DYNC1H1: variants seen among roughly 807,000 people sequenced by gnomAD.
DYNC1H1 encodes the protein dynein cytoplasmic 1 heavy chain 1.
Under a neutral mutation model 527.1 loss-of-function variants are expected in DYNC1H1, and 51 were observed. That is an observed-to-expected ratio of 0.10 (90% CI 0.08 to 0.12). The LOEUF is 0.12. Ranked by LOEUF, DYNC1H1 falls within the 10% of genes least tolerant of loss-of-function variation. DYNC1H1 has a pLI of 1.00. For missense variants in DYNC1H1, 2,771 were observed against 5,971.8 expected (o/e 0.46, Z 17.66); for synonymous variants, 2,189 against 2,278.8 (o/e 0.96, Z 1.12).
chr14:102,010,631 G>T lies in DYNC1H1; in HGVS notation c.6406-109G>T. Reference sequence around the variant, plus strand: ...GAGTGCACGAATGTGGGCGAGTGGTGCTCGCACCCTTTGTTCACCAACAGT... The same window carrying T: ...GAGTGCACGAATGTGGGCGAGTGGTTCTCGCACCCTTTGTTCACCAACAGT... On this transcript the variant is annotated intron_variant, in intron 31 of 77. Coordinates refer to ENST00000360184, the MANE Select transcript of DYNC1H1 (RefSeq NM_001376.5). This position sits in a 1 kb window ranked among gnomAD's most constrained non-coding sequence, Gnocchi z 6.0. 6.6e-7 allele frequency: 1 copy of T among 1,519,636 alleles called. No homozygotes were observed. The highest frequency in any genetic ancestry group is 9.0e-7 in the Non-Finnish European group (1 of 1,108,822). The allele number at this position is 1,519,636 out of a possible 1,614,324, so 94.1% of individuals were successfully genotyped here. A position where few individuals can be genotyped will look rare whatever the true frequency, so the allele number is the denominator to read the frequency against.
In DYNC1H1 at chr14:102,027,491, G is replaced by A; in HGVS notation, c.8995G>A (p.Val2999Met). ...KIAFIMDESN[V>M]LDSGFLERMN... Reference sequence around the variant, plus strand: ...AGCATTTATAATGGATGAATCTAATGTGTTAGATTCTGGATTCCTGGAGCG... The same window carrying A: ...AGCATTTATAATGGATGAATCTAATATGTTAGATTCTGGATTCCTGGAGCG... The change falls in exon 46 of 78, where the codon GTG (valine) becomes ATG (methionine). Residue 2999 changes from valine (V) to methionine (M), a missense_variant. Physicochemically the swap from Val to Met is conservative, Grantham distance 21 (BLOSUM62 1). Coordinates refer to ENST00000360184, the MANE Select transcript of DYNC1H1 (RefSeq NM_001376.5). The surrounding 1 kb of genome is among the most constrained non-coding windows in gnomAD (Gnocchi z 7.7). The A allele has an allele frequency of 6.2e-7, 1 of 1,614,162 alleles. No individual in the cohort carries two copies.
In DYNC1H1 at chr14:102,016,291, GTCTT is replaced by G. The variant is rs1319831514; in HGVS notation, c.7474-52_7474-49del. 12 of 1,604,796 alleles carry G rather than the reference GTCTT, an allele frequency of 7.5e-6. No individual in the cohort carries two copies. Among genetic ancestry groups the G allele is most frequent in the Non-Finnish European group, 1.0e-5 (12 of 1,174,448 alleles). Reference sequence around the variant, plus strand: ...TCTTTAGGTTAACTTTGCTGTAAGTGTCTTTCTTTTGTTGTTGAAATTTTATAAA... The same window carrying G: ...TCTTTAGGTTAACTTTGCTGTAAGTGTCTTTTGTTGTTGAAATTTTATAAA... On this transcript the variant is annotated intron_variant, in intron 36 of 77. Transcript: ENST00000360184. The surrounding 1 kb of genome is among the most constrained non-coding windows in gnomAD (Gnocchi z 7.3).
In DYNC1H1 at chr14:102,040,325, T is replaced by C; in HGVS notation, c.11780T>C (p.Leu3927Pro). Residue 3927 changes from leucine to proline, a missense_variant, in exon 63 of 78, where the codon CTG becomes CCG. Leu to Pro is a moderately conservative substitution (Grantham distance 98). Around this residue, in one of 32 missense-constraint regions of DYNC1H1, gnomAD observed 120 missense variants for 161.9 expected, o/e 0.74. Transcript: ENST00000360184. ...GGCTCCACCCCCAGGATCCAGGGCCTGACTGTGGAGCAGGCGGAGGCGGTG... is the reference window on the plus strand; with the variant it reads ...GGCTCCACCCCCAGGATCCAGGGCCCGACTGTGGAGCAGGCGGAGGCGGTG... Reference protein sequence around the residue: ...SAGSTPRIQGLTVEQAEAVVR... With the variant: ...SAGSTPRIQGPTVEQAEAVVR... 3 of 1,614,216 alleles carry C rather than the reference T, an allele frequency of 1.9e-6. No individual in the cohort carries two copies. The highest frequency in any genetic ancestry group is 2.5e-6 in the Non-Finnish European group (3 of 1,180,044).
chr14:102,054,463 A>G lies in DYNC1H1; in HGVS notation c.*3900A>G. ...GTGCCCATTGCCTGTTCTCAAAGCAATGCACCTGAGAAGCAGTGGCAGGTG... is the reference window on the plus strand; with the variant it reads ...GTGCCCATTGCCTGTTCTCAAAGCAGTGCACCTGAGAAGCAGTGGCAGGTG... On this transcript the variant is annotated 3_prime_UTR_variant, in exon 78 of 78. Transcript: ENST00000360184. 6.6e-6 allele frequency: 1 copy of G among 152,016 alleles called. No homozygotes were observed. The allele number at this position is 152,016 out of a possible 1,614,324, so 9.4% of individuals were successfully genotyped here.
Position 102,038,632 on chromosome 14 carries a change from G to A in DYNC1H1, c.11055+26G>A, listed in dbSNP as rs1265811712. 6.2e-7 allele frequency: 1 copy of A among 1,614,214 alleles called. No individual in the cohort carries two copies. Among genetic ancestry groups the A allele is most frequent in the South Asian group, 1.1e-5 (1 of 91,086 alleles). Reference sequence around the variant, plus strand: ...GTAAGGAATGGGACCCTTCCCCAGGGAAATCTGGCAGGATGTGGTTTTGAA... The same window carrying A: ...GTAAGGAATGGGACCCTTCCCCAGGAAAATCTGGCAGGATGTGGTTTTGAA... On this transcript the variant is annotated intron_variant, in intron 58 of 77. Coordinates refer to ENST00000360184, the MANE Select transcript of DYNC1H1 (RefSeq NM_001376.5). The surrounding 1 kb of genome is among the most constrained non-coding windows in gnomAD (Gnocchi z 7.2).
chr14:102,052,534 T>C lies in DYNC1H1; in HGVS notation c.*1971T>C, dbSNP rs1458852262. ...TGGACTGAGTCTGCTCACCTTGGAT[T>C]AGGCCACCTACTGCTTCTTCCTCTT... On this transcript the variant is annotated 3_prime_UTR_variant, in exon 78 of 78. Transcript: ENST00000360184. 6.6e-6 allele frequency: 1 copy of C among 152,340 alleles called. No homozygotes were observed. The highest frequency in any genetic ancestry group is 1.5e-5 in the Non-Finnish European group (1 of 68,106). The allele number at this position is 152,340 out of a possible 1,614,324, so 9.4% of individuals were successfully genotyped here.
chr14:102,047,620 C>CGTGTGTGTGTGT (rs71116873), intron 72 of DYNC1H1, 197 bp from the exon 73 acceptor site: 32 of 324,296 alleles, frequency 9.9e-5, no homozygotes, highest in African/African-American at 1.9e-4. Context: ...TATATATACA[C>CGTGTGTGTGTGT]GTGTGTGTGT....
rs1413510081 is a variant in DYNC1H1, at chr14:101,972,619, G to T, written c.257-3093G>T. Among the ~76,000 whole-genome samples, 3 of 152,266 alleles carry T rather than the reference G, an allele frequency of 2.0e-5. No homozygotes were observed. The East Asian group carries it at 5.8e-4, about 29-fold the overall frequency. On this transcript the variant is annotated intron_variant, in intron 1 of 77. Transcript: ENST00000360184. ...AATGGCACCTAGTTCCCCTAACCCG[G>T]TTTGCATTAGGAAGTGTAGGCCACA...
Position 102,010,992 on chromosome 14 carries a change from C to T in DYNC1H1, c.6618+40C>T, listed in dbSNP as rs2048252412. ...TTCACTGGCCACTGCCCTCACAGAC[C>T]CTGCTGGCTTTAGTGTCTGGTAATG... On this transcript the variant is annotated intron_variant, in intron 32 of 77. Transcript: ENST00000360184. The surrounding 1 kb of genome is among the most constrained non-coding windows in gnomAD (Gnocchi z 6.0). The T allele has an allele frequency of 2.5e-6, 4 of 1,606,368 alleles. No individual in the cohort carries two copies. The highest frequency in any genetic ancestry group is 1.7e-4 in the Middle Eastern group (1 of 5,960).
chr14:101,993,565 G>A (rs1234021554), intron 11 of DYNC1H1, among the ~76,000 whole-genome samples: 1 of 152,116 alleles, frequency 6.6e-6, no homozygotes, highest in African/African-American at 2.4e-5. Flanking sequence ...AAACATGCCG[G>A]TAGACTCTTG....
At chr14:102,004,382 T>C (rs1249435909) in intron 23 of DYNC1H1, 136 bp from the exon 24 acceptor site, 9 of 962,462 alleles carry the variant, frequency 9.4e-6, no homozygotes, top group Non-Finnish European at 1.4e-5. Context: ...GAAATTCTGA[T>C]GTGATCTGAA....
At chr14:102,047,662 T>G in intron 72 of DYNC1H1, 155 bp from the exon 73 acceptor site, 1 of 599,800 alleles carries the variant, frequency 1.7e-6, no homozygotes, top group South Asian at 1.6e-5. Flanking sequence ...TATATATATA[T>G]ATGTACACAC....
intron 2 of DYNC1H1, among the ~76,000 whole-genome samples, chr14:101,978,136 C>A (rs2047823082): frequency 6.6e-6 from 1 of 152,218 alleles, no homozygotes. Flanking sequence ...CTCACTGCAA[C>A]CTCTGCCTCC....
At position 102,029,716 on chromosome 14, in the gene DYNC1H1, C is replaced by T. The variant is rs773101138; in HGVS notation, c.9642+4C>T. ...GATCAAAGAGACAGTCGACCAGGTG[C>T]GTCACAGGCACAAATTCCTCACGGG... On this transcript the variant is annotated splice_donor_region_variant and intron_variant, in intron 49 of 77. Coordinates refer to ENST00000360184, the MANE Select transcript of DYNC1H1 (RefSeq NM_001376.5). The surrounding 1 kb of genome is among the most constrained non-coding windows in gnomAD (Gnocchi z 5.3). 35 of 1,614,048 alleles carry T rather than the reference C, an allele frequency of 2.2e-5. No homozygotes were observed. In the East Asian group the frequency reaches 3.3e-4, roughly 15 times the overall value.
chr14:102,028,661 T>C (rs879469611), intron 48 of DYNC1H1: 4 of 194,758 alleles, frequency 2.1e-5, no homozygotes, highest in Admixed American at 1.1e-4. Flanking sequence ...TCTAACACTT[T>C]AGTGCCCCCA....
chr14:102,029,367 G>A lies in DYNC1H1; in HGVS notation c.9469-172G>A. 1 of 736,476 alleles carries A rather than the reference G, an allele frequency of 1.4e-6. No individual in the cohort carries two copies. The highest frequency in any genetic ancestry group is 1.7e-5 in the South Asian group (1 of 58,548). 45.6% of individuals were successfully genotyped at this position (736,476 alleles called of 1,614,324 possible). On this transcript the variant is annotated intron_variant, in intron 48 of 77. Coordinates refer to ENST00000360184, the MANE Select transcript of DYNC1H1 (RefSeq NM_001376.5). The surrounding 1 kb of genome is among the most constrained non-coding windows in gnomAD (Gnocchi z 5.3). Reference sequence around the variant, plus strand: ...GCTTAGAGAGGTTTGGAAGTGTAAGGGGTATCTCGAAAGCTCTAAGTGGCT... The same window carrying A: ...GCTTAGAGAGGTTTGGAAGTGTAAGAGGTATCTCGAAAGCTCTAAGTGGCT...
chr14:102,006,286 G>C (rs2048195720), intron 27 of DYNC1H1, 116 bp downstream of exon 27: 3 of 1,457,254 alleles, frequency 2.1e-6, no homozygotes, highest in Non-Finnish European at 2.8e-6. Context: ...CCAGGCTGGA[G>C]CACAGTGGTG....
At chr14:101,976,260 A>C (rs1010553583) in intron 2 of DYNC1H1, among the ~76,000 whole-genome samples, 2 of 146,952 alleles carry the variant, frequency 1.4e-5, no homozygotes, top group Admixed American at 6.7e-5. Flanking sequence ...GAAAACACTC[A>C]AGCCCGGCAC....
In DYNC1H1 at chr14:102,000,278, A is replaced by G. The variant is rs374586080; in HGVS notation, c.3961-8A>G. On this transcript the variant is annotated splice_region_variant and splice_polypyrimidine_tract_variant and intron_variant, in intron 17 of 77. Coordinates refer to ENST00000360184, the MANE Select transcript of DYNC1H1 (RefSeq NM_001376.5). ...CAAAGTCAACTGCTTTACTATTCTC[A>G]ATCGCAGGTGGCCTTAGAAGAATTA... The G allele has an allele frequency of 3.1e-6, 5 of 1,613,964 alleles. No individual in the cohort carries two copies. In the African/African-American group the frequency reaches 6.7e-5, roughly 22 times the overall value.
Sources: gnomAD v4.1 joint callset for allele counts (sites outside exome capture counted in the v4.1 genomes callset) on GRCh38, gnomAD v4.1.1 for gene constraint, gnomAD v4.1.1 regional missense constraint, Gnocchi (gnomAD v3.1) non-coding constraint, MANE v1.5 for transcripts, NCBI Gene and HGNC (gene_info 2026-07-23, HGNC 2026-07-21) for gene names.